The following NAALADL2 variants were observed in gnomAD, a reference collection of about 807,000 sequenced individuals.
NAALADL2 encodes the protein inactive N-acetylated-alpha-linked acidic dipeptidase-like protein 2.
NAALADL2 carries 76 observed loss-of-function variants against 87.2 expected under a neutral mutation model. The observed-to-expected ratio is 0.87, with a 90% CI of 0.72 to 1.05. The LOEUF is 1.05. Among genes scored for constraint, NAALADL2 ranks in the 50% least tolerant of loss-of-function variants. The pLI, the probability that NAALADL2 is intolerant of heterozygous loss-of-function variation, is 0.00. For missense variants in NAALADL2, 1,089 were observed against 945.8 expected, an observed-to-expected ratio of 1.15 and a Z score of -1.99; for synonymous variants, 354 against 331.0, an observed-to-expected ratio of 1.07 and a Z score of -0.75.
chr3:174,654,070 G>A (rs999171434), intron 2 of NAALADL2, among the ~76,000 whole-genome samples: 2 of 148,444 alleles, frequency 1.3e-5, no homozygotes, highest in Admixed American at 1.3e-4. Flanking sequence ...TTGTGTGTGT[G>A]TGTGTGTGTG....
chr3:175,405,432 C>G (rs1054578074), intron 5 of NAALADL2, among the ~76,000 whole-genome samples: 1 of 151,952 alleles, frequency 6.6e-6, no homozygotes, highest in Non-Finnish European at 1.5e-5. Flanking sequence ...TAAATATGCA[C>G]AAACTTTTAA....
chr3:175,728,427 A>T (rs1019603881), intron 11 of NAALADL2, among the ~76,000 whole-genome samples: 1 of 152,160 alleles, frequency 6.6e-6, no homozygotes, highest in Admixed American at 6.5e-5. Flanking sequence ...TATGTCAGGA[A>T]TACATCTTTG....
intron 2 of NAALADL2, among the ~76,000 whole-genome samples, chr3:175,193,211 T>C (rs1487431697): frequency 1.3e-5 from 2 of 151,826 alleles, no homozygotes; most frequent in African/African-American, 2.4e-5. Context: ...CACTTACTAG[T>C]TGTGTGTTTT....
At chr3:174,912,132 T>C (rs1733784088) in intron 1 of NAALADL2, among the ~76,000 whole-genome samples, 1 of 152,024 alleles carries the variant, frequency 6.6e-6, no homozygotes, top group Non-Finnish European at 1.5e-5. Flanking sequence ...ATATTTGATA[T>C]TGGTAGTTCT....
chr3:175,780,828 T>C (rs1024874966), intron 13 of NAALADL2, among the ~76,000 whole-genome samples: 3 of 152,220 alleles, frequency 2.0e-5, no homozygotes, highest in African/African-American at 7.2e-5. Context: ...AAAAATGTTC[T>C]GCGATAAATA....
intron 3 of NAALADL2, among the ~76,000 whole-genome samples, chr3:174,836,602 G>A (rs1159748832): frequency 1.3e-5 from 2 of 151,266 alleles, no homozygotes; most frequent in African/African-American, 2.4e-5. Context: ...CCAGCTACTC[G>A]GGAGACCGAG....
intron 1 of NAALADL2, among the ~76,000 whole-genome samples, chr3:174,927,718 G>A (rs1166853039): frequency 2.0e-5 from 3 of 152,164 alleles, no homozygotes; most frequent in African/African-American, 4.8e-5. Context: ...AGTGTGTAGA[G>A]GGAAATTTAT....
intron 1 of NAALADL2, among the ~76,000 whole-genome samples, chr3:175,024,536 G>T (rs4572780): frequency 0.15 from 22,812 of 151,958 alleles, 2,367 homozygotes; most frequent in African/African-American, 0.3. Flanking sequence ...AATATTATTA[G>T]AAATCATAGG....
chr3:174,852,895 G>C (rs965053371), intron 3 of NAALADL2, among the ~76,000 whole-genome samples: 16 of 151,920 alleles, frequency 1.1e-4, no homozygotes, highest in Non-Finnish European at 2.1e-4. Context: ...AAAACCCAGG[G>C]ATAAATCCAT....
chr3:174,738,687 A>G lies in NAALADL2; in HGVS notation c.-9+941A>G, dbSNP rs192121625. Among the ~76,000 whole-genome samples, 5 of 152,318 alleles carry G rather than the reference A, an allele frequency of 3.3e-5. No homozygotes were observed. The East Asian group carries it at 9.7e-4, about 29-fold the overall frequency. ...TGAGATTGAATTAATTTCTAAGGTT[A>G]TTTCCACTCGACACATGTCTATAGA... On this transcript the variant is annotated intron_variant, in intron 3 of 3. Transcript: ENST00000434257.
intron 3 of NAALADL2, among the ~76,000 whole-genome samples, chr3:174,765,065 AAGTC>A (rs1243480923): frequency 1.3e-5 from 2 of 151,934 alleles, no homozygotes; most frequent in African/African-American, 4.8e-5. Context: ...AAGAAAATAA[AAGTC>A]AACCAAGTGA....
intron 3 of NAALADL2, among the ~76,000 whole-genome samples, chr3:174,780,324 A>G (rs1221406879): frequency 2.0e-5 from 3 of 152,214 alleles, no homozygotes; most frequent in Admixed American, 1.3e-4. Context: ...ATTTTGGCAC[A>G]TTGATTTTGT....
At chr3:175,424,048 G>T (rs1388636511) in intron 5 of NAALADL2, among the ~76,000 whole-genome samples, 1 of 152,090 alleles carries the variant, frequency 6.6e-6, no homozygotes, top group Admixed American at 6.6e-5. Context: ...GTGCCTTTTG[G>T]CTGCATAAAT....
At chr3:175,756,230 G>T (rs1285822016) in intron 13 of NAALADL2, among the ~76,000 whole-genome samples, 1 of 152,076 alleles carries the variant, frequency 6.6e-6, no homozygotes, top group East Asian at 1.9e-4. Context: ...ATGTAAATTA[G>T]CATAGCCTTT....
intron 11 of NAALADL2, among the ~76,000 whole-genome samples, chr3:175,669,893 A>G (rs1733703635): frequency 6.6e-6 from 1 of 152,028 alleles, no homozygotes; most frequent in Non-Finnish European, 1.5e-5. Context: ...CACTATTACT[A>G]TCCAATGATA....
intron 2 of NAALADL2, among the ~76,000 whole-genome samples, chr3:174,729,323 A>C (rs1414498140): frequency 6.6e-6 from 1 of 152,088 alleles, no homozygotes; most frequent in Non-Finnish European, 1.5e-5. Context: ...GTCAAGAGGC[A>C]GATGCTATTG....
intron 2 of NAALADL2, among the ~76,000 whole-genome samples, chr3:174,664,376 C>T (rs1454247436): frequency 6.6e-6 from 1 of 152,156 alleles, no homozygotes; most frequent in East Asian, 1.9e-4. Context: ...AATAGTCTCA[C>T]ATTGACTGTA....
chr3:174,890,719 T>A (rs112571837), intron 1 of NAALADL2, among the ~76,000 whole-genome samples: 4,782 of 152,106 alleles, frequency 0.031, 108 homozygotes, highest in Non-Finnish European at 0.05. Context: ...AACATATGCA[T>A]AATATCAGAT....
chr3:174,686,394 G>C (rs1286655827), intron 2 of NAALADL2, among the ~76,000 whole-genome samples: 2 of 151,672 alleles, frequency 1.3e-5, no homozygotes. Context: ...CTTTGTAATA[G>C]CCATTCTGAC....
Sources: gnomAD v4.1 joint callset for allele counts (sites outside exome capture counted in the v4.1 genomes callset) on GRCh38, gnomAD v4.1.1 for gene constraint, MANE v1.5 for transcripts, NCBI Gene and HGNC (gene_info 2026-07-23, HGNC 2026-07-21) for gene names.